The following SLC24A2 variants were observed in gnomAD, a reference collection of about 807,000 sequenced individuals.
The protein encoded by SLC24A2 is sodium/potassium/calcium exchanger 2.
Under a neutral mutation model 62.0 loss-of-function variants are expected in SLC24A2, and 36 were observed. The ratio of observed to expected loss-of-function variants is 0.58; its 90% confidence interval spans 0.44 to 0.77. SLC24A2 has a LOEUF of 0.77. SLC24A2 is among the 30% of genes least tolerant of loss of function. The pLI, the probability that SLC24A2 is intolerant of heterozygous loss-of-function variation, is 0.00. For missense variants in SLC24A2, 846 were observed against 817.9 expected, an observed-to-expected ratio of 1.03 and a Z score of -0.42; for synonymous variants, 358 against 294.0, an observed-to-expected ratio of 1.22 and a Z score of -2.23.
At position 19,748,077 on chromosome 9, in the gene SLC24A2, T is replaced by C. The variant is rs1821885129; in HGVS notation, c.930+37860A>G. Among the ~76,000 whole-genome samples the C allele has an allele frequency of 3.9e-5, 6 of 152,160 alleles. No individual in the cohort carries two copies. The South Asian group carries it at 1.0e-3, about 26-fold the overall frequency. ...TTTCCTATTTGCTGGTTCTGCAAAA[T>C]TCGTAAGTTCACTAAAGAGATATGC... On this transcript the variant is annotated intron_variant, in intron 2 of 10. Coordinates refer to ENST00000341998, the MANE Select transcript of SLC24A2 (RefSeq NM_020344.4).
chr9:19,703,203 T>C (rs767748960), intron 2 of SLC24A2, among the ~76,000 whole-genome samples: 1 of 152,236 alleles, frequency 6.6e-6, no homozygotes, highest in Admixed American at 6.5e-5. Context: ...AATGACATGA[T>C]GGATTAGAAT....
the SLC24A2 span, among the ~76,000 whole-genome samples, chr9:20,228,349 G>C: frequency 6.6e-6 from 1 of 151,992 alleles, no homozygotes; most frequent in Non-Finnish European, 1.5e-5. Flanking sequence ...CAAAAGTACA[G>C]AGCGCTCTGA....
intron 2 of SLC24A2, among the ~76,000 whole-genome samples, chr9:19,688,877 T>G (rs1209641544): frequency 6.6e-6 from 1 of 152,140 alleles, no homozygotes; most frequent in African/African-American, 2.4e-5. Context: ...AAATACAGTC[T>G]CATAGTGTTA....
At chr9:19,574,382 G>T (rs532818554) in intron 6 of SLC24A2, among the ~76,000 whole-genome samples, 1 of 152,256 alleles carries the variant, frequency 6.6e-6, no homozygotes, top group Non-Finnish European at 1.5e-5. Context: ...GTTAAGCACT[G>T]GGAGTCTGTA....
chr9:19,924,528 G>C, the SLC24A2 span, among the ~76,000 whole-genome samples: 1 of 152,078 alleles, frequency 6.6e-6, no homozygotes, highest in African/African-American at 2.4e-5. Flanking sequence ...TGGGATCAGT[G>C]CTTCCAGATA....
the SLC24A2 span, among the ~76,000 whole-genome samples, chr9:19,916,437 C>G: frequency 2.0e-5 from 3 of 151,922 alleles, no homozygotes; most frequent in African/African-American, 4.8e-5. Flanking sequence ...TTATTTTACA[C>G]AAGTTAAAAA....
At chr9:19,644,411 T>C (rs182661950) in intron 2 of SLC24A2, among the ~76,000 whole-genome samples, 3 of 152,332 alleles carry the variant, frequency 2.0e-5, no homozygotes, top group Admixed American at 6.5e-5. Flanking sequence ...TTACATAGAT[T>C]GAATCATTAT....
chr9:19,716,822 G>A (rs1442270596), intron 2 of SLC24A2, among the ~76,000 whole-genome samples: 1 of 151,740 alleles, frequency 6.6e-6, no homozygotes, highest in Non-Finnish European at 1.5e-5. Context: ...TCTTTCTTTT[G>A]TCTTGGCCAT....
At chr9:19,678,175 G>A (rs183404051) in intron 2 of SLC24A2, among the ~76,000 whole-genome samples, 4 of 152,340 alleles carry the variant, frequency 2.6e-5, no homozygotes, top group Non-Finnish European at 5.9e-5. Flanking sequence ...CAAGCCTAGC[G>A]CAGAGCAGGT....
chr9:19,945,101 C>T, the SLC24A2 span, among the ~76,000 whole-genome samples: 1 of 152,184 alleles, frequency 6.6e-6, no homozygotes, highest in South Asian at 2.1e-4. Context: ...AGAACACTAG[C>T]ATGGTCACCA....
the SLC24A2 span, among the ~76,000 whole-genome samples, chr9:20,203,671 C>A: frequency 6.6e-6 from 1 of 150,872 alleles, no homozygotes; most frequent in Non-Finnish European, 1.5e-5. Flanking sequence ...TAGTGAGAGC[C>A]TGTCTCTTAA....
At chr9:20,297,585 G>C in the SLC24A2 span, among the ~76,000 whole-genome samples, 1 of 152,170 alleles carries the variant, frequency 6.6e-6, no homozygotes, top group Non-Finnish European at 1.5e-5. Flanking sequence ...GACAAGTCTG[G>C]GACAGACCCA....
At chr9:19,661,302 CCT>C (rs1184801239) in intron 2 of SLC24A2, among the ~76,000 whole-genome samples, 1 of 151,924 alleles carries the variant, frequency 6.6e-6, no homozygotes, top group Non-Finnish European at 1.5e-5. Flanking sequence ...TTAACCGACA[CCT>C]CTAATGACCA....
the SLC24A2 span, among the ~76,000 whole-genome samples, chr9:19,943,366 A>C: frequency 2.0e-5 from 3 of 152,266 alleles, no homozygotes; most frequent in South Asian, 6.2e-4. Context: ...TTATTCCACT[A>C]TTCTACTATT....
the SLC24A2 span, among the ~76,000 whole-genome samples, chr9:20,265,408 T>G: frequency 3.9e-5 from 6 of 152,218 alleles, no homozygotes; most frequent in Admixed American, 6.5e-5. Context: ...TGGACATTTA[T>G]TAGATCCCCA....
At chr9:19,776,962 G>T (rs904748816) in intron 2 of SLC24A2, among the ~76,000 whole-genome samples, 9 of 152,144 alleles carry the variant, frequency 5.9e-5, no homozygotes, top group African/African-American at 2.2e-4. Flanking sequence ...AATGGCCAAG[G>T]AGCACATCCC....
the SLC24A2 span, among the ~76,000 whole-genome samples, chr9:20,017,045 CAG>C: frequency 6.6e-6 from 1 of 152,186 alleles, no homozygotes; most frequent in East Asian, 1.9e-4. Context: ...TTTTTTGAGA[CAG>C]AGTCTCACTC....
At chr9:19,792,352 A>G (rs1407505397), upstream of SLC24A2, among the ~76,000 whole-genome samples, 1 of 152,020 alleles carries the variant, frequency 6.6e-6, no homozygotes, top group Admixed American at 6.6e-5. Context: ...TTCAGTCTCA[A>G]GGGAAAAAAA....
chr9:20,037,754 T>C, the SLC24A2 span, among the ~76,000 whole-genome samples: 1 of 152,212 alleles, frequency 6.6e-6, no homozygotes, highest in Non-Finnish European at 1.5e-5. Context: ...TTGGATTGTC[T>C]TGAGTTTATG....
Sources: gnomAD v4.1 joint callset for allele counts (sites outside exome capture counted in the v4.1 genomes callset) on GRCh38, gnomAD v4.1.1 for gene constraint, MANE v1.5 for transcripts, NCBI Gene and HGNC (gene_info 2026-07-23, HGNC 2026-07-21) for gene names.